TMPRSS9: variants seen among roughly 807,000 people sequenced by gnomAD.
The protein encoded by TMPRSS9 is transmembrane protease serine 9.
TMPRSS9 carries 113 observed loss-of-function variants against 111.4 expected under a neutral mutation model. The observed-to-expected ratio is 1.01, with a 90% CI of 0.87 to 1.19. The LOEUF is 1.19. Among genes scored for constraint, TMPRSS9 ranks in the 50% most tolerant of loss-of-function variants. The pLI, the probability that TMPRSS9 is intolerant of heterozygous loss-of-function variation, is 0.00. For synonymous variants in TMPRSS9, 805 were observed against 659.1 expected, an observed-to-expected ratio of 1.22 and a Z score of -3.39; for missense variants, 1,803 against 1,513.1, an observed-to-expected ratio of 1.19 and a Z score of -3.18.
At chr19:2,378,734 G>A (rs1970357892) in intron 1 of TMPRSS9, among the ~76,000 whole-genome samples, 1 of 152,112 alleles carries the variant, frequency 6.6e-6, no homozygotes, top group Non-Finnish European at 1.5e-5. Flanking sequence ...AAACCTACCT[G>A]AGACTAGGTA....
chr19:2,383,132 T>A (rs1970406210), intron 1 of TMPRSS9, among the ~76,000 whole-genome samples: 1 of 152,076 alleles, frequency 6.6e-6, no homozygotes, highest in South Asian at 2.1e-4. Flanking sequence ...GGCAGGTGGA[T>A]CACCTGAGAT....
chr19:2,425,688 T>C (rs1447194139), intron 17 of TMPRSS9, 195 bp downstream of exon 18: 10 of 1,228,920 alleles, frequency 8.1e-6, no homozygotes, highest in Middle Eastern at 2.9e-4. Flanking sequence ...CCGCATCCCA[T>C]CCCCGGGCCT....
At chr19:2,395,950 G>C (rs543935346) in intron 1 of TMPRSS9, among the ~76,000 whole-genome samples, 5 of 152,322 alleles carry the variant, frequency 3.3e-5, no homozygotes, top group African/African-American at 9.6e-5. Flanking sequence ...GCAGCTTGCA[G>C]TGAGCCGAGA....
chr19:2,402,072 A>G lies in TMPRSS9; in HGVS notation c.556+56A>G. On this transcript the variant is annotated intron_variant, in intron 5 of 17. Coordinates refer to ENST00000648592, the Ensembl canonical transcript of TMPRSS9. ...TTGCAGTTACTGACAGAGGTTTCCT[A>G]AGACTCATTTCAAGGAAGTGAAGGA... The G allele has an allele frequency of 3.2e-6, 5 of 1,571,658 alleles. No individual in the cohort carries two copies. In the South Asian group the frequency reaches 4.5e-5, roughly 14 times the overall value.
upstream of TMPRSS9, among the ~76,000 whole-genome samples, chr19:2,389,472 C>T (rs565841342): frequency 5.3e-5 from 8 of 150,718 alleles, no homozygotes; most frequent in Admixed American, 2.7e-4. Context: ...CGGGTTCAAG[C>T]GATTCTCCTG....
chr19:2,418,103 G>A lies in TMPRSS9; in HGVS notation c.2119G>A (p.Ala707Thr), dbSNP rs141135009. 39 of 1,612,024 alleles carry A rather than the reference G, an allele frequency of 2.4e-5. 1 individual carries two copies. The highest frequency in any genetic ancestry group is 3.3e-4 in the Middle Eastern group (2 of 6,080). The stretch of plus-strand genomic sequence containing the variant: ...CTCCCTCACAGACCGCATGATCTGC[G>A]CAGGCTTCCTGGAAGGCAAAGTCGA... The change falls in exon 13 of 18, where the codon GCA (alanine) becomes ACA (threonine). Residue 707 changes from alanine (A) to threonine (T), a missense_variant. By Grantham distance (58) the Ala-to-Thr change is moderately conservative (BLOSUM62 0). Transcript: ENST00000648592.
chr19:2,379,677 C>CTTTCTTTCTTTCTTTCTT (rs1240073481), intron 1 of TMPRSS9, among the ~76,000 whole-genome samples: 14 of 131,836 alleles, frequency 1.1e-4, no homozygotes, highest in African/African-American at 4.1e-4. Flanking sequence ...TTCTTTCTTT[C>CTTTCTTTCTTTCTTTCTT]TCTTTTTCTT....
rs527488744 is a variant in TMPRSS9 at position 2,367,913 on chromosome 19, G to T, written c.-26+7553G>T. 4.0e-5 allele frequency among the ~76,000 whole-genome samples: 6 copies of T among 151,880 alleles called. No homozygotes were observed. In the East Asian group the frequency reaches 1.2e-3, roughly 30 times the overall value. On this transcript the variant is annotated intron_variant, in intron 1 of 17. Coordinates refer to the TMPRSS9 transcript ENST00000649857. Reference sequence around the variant, plus strand: ...TTTAGTAGAGACAGGGTTTTACCATGTTGGCCAGGCTGGTCTCGAACTCTG... The same window carrying T: ...TTTAGTAGAGACAGGGTTTTACCATTTTGGCCAGGCTGGTCTCGAACTCTG...
intron 1 of TMPRSS9, among the ~76,000 whole-genome samples, chr19:2,375,474 A>G (rs1970325002): frequency 7.1e-6 from 1 of 141,352 alleles, no homozygotes; most frequent in South Asian, 2.2e-4. Context: ...CGGACCAATC[A>G]CTGATGGGGG....
chr19:2,363,353 C>T (rs1045960370), intron 1 of TMPRSS9, among the ~76,000 whole-genome samples: 1 of 152,108 alleles, frequency 6.6e-6, no homozygotes, highest in Non-Finnish European at 1.5e-5. Context: ...GCTGGAGCAT[C>T]GGAGTTCAAA....
exon 2 of TMPRSS9, chr19:2,396,622 A>C (rs1970714532): frequency 6.2e-7 from 1 of 1,602,494 alleles, no homozygotes; most frequent in Admixed American, 1.7e-5. Context: ...GCGGCGGGAG[A>C]CCTCGGACTA....
At chr19:2,424,802 A>G (rs564126913) in intron 15 of TMPRSS9, among the ~76,000 whole-genome samples, 200 bp from the exon 17 acceptor site, 2 of 151,874 alleles carry the variant, frequency 1.3e-5, no homozygotes, top group African/African-American at 4.8e-5. Flanking sequence ...GAGCGCTCAT[A>G]TTAGGTGGTG....
exon 12 of TMPRSS9, chr19:2,416,711 A>C: frequency 6.2e-7 from 1 of 1,613,188 alleles, no homozygotes; most frequent in Non-Finnish European, 8.5e-7. Context: ...GCCTTCAACA[A>C]ATACATCCAG....
chr19:2,424,975 C>T (rs982364461), intron 15 of TMPRSS9, 27 bp from the exon 17 acceptor site: 4 of 1,477,390 alleles, frequency 2.7e-6, no homozygotes, highest in Non-Finnish European at 2.7e-6. Context: ...GGGCTCGGGC[C>T]GACGCCTGTC....
chr19:2,400,846 C>T (rs1453901054), intron 4 of TMPRSS9, among the ~76,000 whole-genome samples: 7 of 150,342 alleles, frequency 4.7e-5, no homozygotes, highest in South Asian at 2.1e-4. Flanking sequence ...TGGTGGCGGG[C>T]GCCTATAATC....
exon 16 of TMPRSS9, chr19:2,425,233 C>T (rs1168931965): frequency 2.1e-6 from 3 of 1,426,960 alleles, no homozygotes; most frequent in East Asian, 3.1e-5. Context: ...GCACGCGCTG[C>T]GTCATCACCG....
At chr19:2,415,468 C>T (rs80104877) in intron 10 of TMPRSS9, among the ~76,000 whole-genome samples, 19,205 of 151,990 alleles carry the variant, frequency 0.13, 2,035 homozygotes, top group East Asian at 0.36. Flanking sequence ...AACTTCTGTC[C>T]CCGAAGCGAG....
intron 6 of TMPRSS9, among the ~76,000 whole-genome samples, chr19:2,404,430 C>G (rs1970925736): frequency 6.6e-6 from 1 of 151,894 alleles, no homozygotes; most frequent in Non-Finnish European, 1.5e-5. Flanking sequence ...GTAATCCCAG[C>G]ACTTTGGGAG....
chr19:2,382,592 GCA>G (rs1008959945), intron 1 of TMPRSS9, among the ~76,000 whole-genome samples: 6 of 110,872 alleles, frequency 5.4e-5, no homozygotes, highest in African/African-American at 1.0e-4. Flanking sequence ...AGATGCACAT[GCA>G]CACACACACA....
Sources: allele counts gnomAD v4.1 joint callset (sites outside exome capture counted in the v4.1 genomes callset), GRCh38; gene constraint gnomAD v4.1.1; transcripts MANE v1.5; gene names NCBI Gene and HGNC (gene_info 2026-07-23, HGNC 2026-07-21).